The following LITAF variants were observed in gnomAD, a reference collection of about 807,000 sequenced individuals.
The protein encoded by LITAF is lipopolysaccharide induced TNF factor.
Under a neutral mutation model 14.5 loss-of-function variants are expected in LITAF, and 9 were observed. The ratio of observed to expected loss-of-function variants is 0.62; its 90% CI spans 0.37 to 1.08. The LOEUF is 1.08. LITAF is among the 50% of genes least tolerant of loss of function. The pLI, the probability that LITAF is intolerant of heterozygous loss-of-function variation, is 0.01. For missense variants in LITAF, 206 were observed against 213.4 expected (o/e 0.97, Z 0.22); for synonymous variants, 98 against 88.2 (o/e 1.11, Z -0.62).
chr16:11,622,197 C>T (rs186283625), intron 3 of LITAF, among the ~76,000 whole-genome samples: 2 of 152,186 alleles, frequency 1.3e-5, no homozygotes, highest in African/African-American at 2.4e-5. Context: ...ATAAGCCAGG[C>T]GGCATGGCTT....
chr16:11,580,162 C>T (rs61608277), intron 1 of LITAF, among the ~76,000 whole-genome samples: 1,741 of 152,160 alleles, frequency 0.011, 36 homozygotes, highest in African/African-American at 0.04. Flanking sequence ...AAAAAAGATC[C>T]AAAATCTGAA....
chr16:11,582,319 GAAAAA>G (rs35892278), intron 1 of LITAF, among the ~76,000 whole-genome samples: 2 of 100,094 alleles, frequency 2.0e-5, no homozygotes, highest in Admixed American at 2.2e-4. Flanking sequence ...ACTCACAACG[GAAAAA>G]AAAAAAAAAA....
At chr16:11,624,545 G>T (rs1202804387) in intron 3 of LITAF, among the ~76,000 whole-genome samples, 1 of 152,238 alleles carries the variant, frequency 6.6e-6, no homozygotes, top group Admixed American at 6.5e-5. Context: ...CATGTGAGAA[G>T]AATAGGTGAG....
intron 1 of LITAF, among the ~76,000 whole-genome samples, chr16:11,581,177 T>C (rs916786902): frequency 8.5e-5 from 13 of 152,262 alleles, no homozygotes; most frequent in African/African-American, 2.9e-4. Context: ...TAAATTTGTA[T>C]GTATTTTCAT....
intron 1 of LITAF, among the ~76,000 whole-genome samples, chr16:11,563,741 C>T (rs949444585): frequency 2.6e-5 from 4 of 151,996 alleles, no homozygotes; most frequent in African/African-American, 9.7e-5. Flanking sequence ...AAAGCTCAGC[C>T]CTCTCATATT....
intron 1 of LITAF, among the ~76,000 whole-genome samples, chr16:11,564,405 C>T (rs1241177104): frequency 2.0e-5 from 3 of 152,092 alleles, no homozygotes; most frequent in African/African-American, 7.2e-5. Context: ...CCTCAACAGC[C>T]TCAGAATTCT....
At chr16:11,552,512 A>G (rs562516764) in intron 3 of LITAF, among the ~76,000 whole-genome samples, 4 of 152,192 alleles carry the variant, frequency 2.6e-5, no homozygotes, top group Non-Finnish European at 5.9e-5. Context: ...CGAGCAAAAC[A>G]TTATTATTTA....
chr16:11,630,852 C>A (rs1189907647), intron 3 of LITAF, among the ~76,000 whole-genome samples: 1 of 152,144 alleles, frequency 6.6e-6, no homozygotes, highest in African/African-American at 2.4e-5. Flanking sequence ...CCGCCTCAGC[C>A]TCCCAAAGTG....
upstream of LITAF, chr16:11,598,631 G>C (rs1040963086): frequency 6.6e-6 from 1 of 152,130 alleles, no homozygotes; most frequent in Non-Finnish European, 1.5e-5. Context: ...TTAGGAAATG[G>C]TGAAAGCGGT....
chr16:11,639,661 C>T (rs1597380460), upstream of LITAF, among the ~76,000 whole-genome samples: 1 of 151,506 alleles, frequency 6.6e-6, no homozygotes, highest in East Asian at 1.9e-4. Flanking sequence ...GAGAAAAGGA[C>T]ATCCAAAGTC....
intron 3 of LITAF, among the ~76,000 whole-genome samples, chr16:11,629,384 G>A (rs1342637441): frequency 6.6e-6 from 1 of 152,210 alleles, no homozygotes; most frequent in African/African-American, 2.4e-5. Flanking sequence ...AAGGAGACAA[G>A]GTGCAGGAGG....
chr16:11,576,489 T>C (rs1305374727), intron 1 of LITAF, among the ~76,000 whole-genome samples: 1 of 64,592 alleles, frequency 1.5e-5, no homozygotes, highest in African/African-American at 6.2e-5. Flanking sequence ...AATAAGTAAA[T>C]AAATAAATAA....
chr16:11,629,966 T>C (rs1478942086), intron 3 of LITAF, among the ~76,000 whole-genome samples: 1 of 152,082 alleles, frequency 6.6e-6, no homozygotes, highest in African/African-American at 2.4e-5. Context: ...TTAACATCAG[T>C]CGCCAGGTGT....
intron 3 of LITAF, among the ~76,000 whole-genome samples, chr16:11,628,405 T>C (rs2065097758): frequency 6.6e-6 from 1 of 152,248 alleles, no homozygotes; most frequent in Admixed American, 6.5e-5. Flanking sequence ...ACCCAGTAGA[T>C]GCTCTCAGAG....
chr16:11,588,150 A>T (rs1452214342), upstream of LITAF, among the ~76,000 whole-genome samples: 3 of 152,110 alleles, frequency 2.0e-5, no homozygotes, highest in African/African-American at 2.4e-5. Context: ...TCCCAAGCAT[A>T]GGAGGTTCCC....
chr16:11,556,154 G>A (rs191416925), intron 2 of LITAF: 10 of 412,914 alleles, frequency 2.4e-5, no homozygotes, highest in South Asian at 7.2e-5. Context: ...TTCCTACCTC[G>A]GCCCTGGCCT....
At chr16:11,607,311 G>C (rs1201425795) in intron 3 of LITAF, among the ~76,000 whole-genome samples, 2 of 152,226 alleles carry the variant, frequency 1.3e-5, no homozygotes, top group Non-Finnish European at 2.9e-5. Flanking sequence ...GTCGAGAACA[G>C]TGCTGTCTCC....
At chr16:11,550,353 G>T (rs1420991221) in intron 3 of LITAF, among the ~76,000 whole-genome samples, 1 of 152,142 alleles carries the variant, frequency 6.6e-6, no homozygotes, top group Non-Finnish European at 1.5e-5. Flanking sequence ...GCCTCCCCAA[G>T]TGCTGGGATT....
rs187810186 is a variant in LITAF at position 11,594,163 on chromosome 16, G to A, written c.-6+4225C>T. On this transcript the variant is annotated intron_variant, in intron 1 of 3. Transcript: ENST00000571627. ...ATGGCGCCACTGCACTTCAGCCTGG[G>A]TGACAAAGTGAGACCCTGTCTCGAA... is the stretch of plus-strand genomic sequence containing the variant. Among the ~76,000 whole-genome samples, 39 of 149,962 alleles carry A rather than the reference G, an allele frequency of 2.6e-4. No individual in the cohort carries two copies. The East Asian group carries it at 3.3e-3, about 13-fold the overall frequency.
Sources: allele counts gnomAD v4.1 joint callset (sites outside exome capture counted in the v4.1 genomes callset), GRCh38; gene constraint gnomAD v4.1.1; transcripts MANE v1.5; gene names NCBI Gene and HGNC (gene_info 2026-07-23, HGNC 2026-07-21).